Variants in ADRA1B observed in about 807,000 individuals in gnomAD.
ADRA1B encodes alpha-1B adrenergic receptor.
In ADRA1B, 17 loss-of-function variants were observed where a neutral mutation model predicts 17.9. The ratio of observed to expected loss-of-function variants is 0.95; its 90% CI spans 0.65 to 1.42. ADRA1B has a LOEUF of 1.42. Ranked by LOEUF, ADRA1B falls within the 40% of genes most tolerant of loss-of-function variation. ADRA1B has a pLI of 0.00. For missense variants in ADRA1B, 681 were observed against 722.1 expected (o/e 0.94, Z 0.65); for synonymous variants, 366 against 327.6 (o/e 1.12, Z -1.27).
At chr5:159,941,459 A>C (rs1202830662) in intron 1 of ADRA1B, among the ~76,000 whole-genome samples, 3 of 152,214 alleles carry the variant, frequency 2.0e-5, no homozygotes, top group Non-Finnish European at 4.4e-5. Context: ...CACTTTGAAA[A>C]ACAGTTTGGT....
chr5:159,899,263 A>AAAGG (rs199633101), intron 1 of ADRA1B, among the ~76,000 whole-genome samples: 7,941 of 106,256 alleles, frequency 0.075, 722 homozygotes, highest in East Asian at 0.24. Context: ...AGGAAGGAAG[A>AAAGG]AAGGAAGGAA....
upstream of ADRA1B, among the ~76,000 whole-genome samples, chr5:159,914,255 AG>A (rs1754256270): frequency 6.6e-6 from 1 of 152,194 alleles, no homozygotes; most frequent in East Asian, 1.9e-4. Context: ...CCCCTGACAG[AG>A]GGCTGCCAAG....
chr5:159,939,757 T>G (rs1377921375), intron 1 of ADRA1B, among the ~76,000 whole-genome samples: 1 of 152,194 alleles, frequency 6.6e-6, no homozygotes, highest in Admixed American at 6.5e-5. Flanking sequence ...AGGAGCAGTC[T>G]CCCTTCCCTG....
rs568180346 is a variant in ADRA1B, at chr5:159,916,829, T to G, written c.-77T>G. ...AGAAGACCACGGGGGAAGCAAAGTTTCAGGGCAGCTGAGGAGCCTTCGCCG... is the reference window on the plus strand; with the variant it reads ...AGAAGACCACGGGGGAAGCAAAGTTGCAGGGCAGCTGAGGAGCCTTCGCCG... On this transcript the variant is annotated 5_prime_UTR_variant, in exon 1 of 2. Coordinates refer to ENST00000306675, the MANE Select transcript of ADRA1B (RefSeq NM_000679.4). The G allele has an allele frequency of 2.1e-6, 3 of 1,416,864 alleles. No individual in the cohort carries two copies. In the African/African-American group the frequency reaches 4.3e-5, roughly 20 times the overall value. The allele number at this position is 1,416,864 out of a possible 1,614,324, so 87.8% of individuals were successfully genotyped here. A position where few individuals can be genotyped will look rare whatever the true frequency, so the allele number is the denominator to read the frequency against.
chr5:159,934,489 A>G (rs1041472901), intron 1 of ADRA1B, among the ~76,000 whole-genome samples: 11 of 151,770 alleles, frequency 7.2e-5, no homozygotes, highest in African/African-American at 2.4e-4. Flanking sequence ...CTCCTGCTTG[A>G]GTTGCTGTAC....
intron 1 of ADRA1B, among the ~76,000 whole-genome samples, chr5:159,923,147 G>A (rs1754536074): frequency 6.6e-6 from 1 of 152,276 alleles, no homozygotes; most frequent in Non-Finnish European, 1.5e-5. Context: ...AATTAGAAGG[G>A]AGGCAGGTGC....
intron 1 of ADRA1B, among the ~76,000 whole-genome samples, chr5:159,956,019 G>A (rs1004282699): frequency 6.6e-6 from 1 of 152,124 alleles, no homozygotes; most frequent in African/African-American, 2.4e-5. Flanking sequence ...GAGGCAGGAG[G>A]ATCACTTGAG....
At chr5:159,907,086 G>T (rs1754170440) in intron 1 of ADRA1B, among the ~76,000 whole-genome samples, 1 of 152,146 alleles carries the variant, frequency 6.6e-6, no homozygotes, top group African/African-American at 2.4e-5. Flanking sequence ...GAAAATTCCT[G>T]TTGACACTAA....
chr5:159,939,335 G>GCGCGCGCGCGCA (rs1369737666), intron 1 of ADRA1B, among the ~76,000 whole-genome samples: 1 of 116,500 alleles, frequency 8.6e-6, no homozygotes, highest in Non-Finnish European at 2.1e-5. Flanking sequence ...GCGCGCGCGC[G>GCGCGCGCGCGCA]CACACAATGC....
At chr5:159,948,101 G>A in intron 1 of ADRA1B, 1 of 985,428 alleles carries the variant, frequency 1.0e-6, no homozygotes. Context: ...ATAGCTGAAA[G>A]TCTCTGTACC....
At chr5:159,878,190 T>C (rs1753822048) in intron 1 of ADRA1B, among the ~76,000 whole-genome samples, 12 of 152,032 alleles carry the variant, frequency 7.9e-5, no homozygotes, top group Admixed American at 7.9e-4. Context: ...ATCAGTCGGG[T>C]CCAGAGATGA....
chr5:159,914,582 C>T (rs779840130), upstream of ADRA1B, among the ~76,000 whole-genome samples: 2 of 152,046 alleles, frequency 1.3e-5, no homozygotes, highest in Non-Finnish European at 2.9e-5. Context: ...TTTCTTAACC[C>T]GAGGGAAACC....
intron 1 of ADRA1B, among the ~76,000 whole-genome samples, chr5:159,910,920 G>C (rs6556462): frequency 0.025 from 3,782 of 152,142 alleles, 168 homozygotes; most frequent in African/African-American, 0.087. Context: ...GTTTTTTGCA[G>C]TTTTTTTGTT....
In ADRA1B at chr5:159,972,097, C is replaced by T. The variant is rs957670819; in HGVS notation, c.1168C>T (p.Pro390Ser). ...GGGCGGCTGCGCCTACACCTACCGGCCGTGGACGCGCGGCGGCTCGCTGGA... is the reference window on the plus strand; with the variant it reads ...GGGCGGCTGCGCCTACACCTACCGGTCGTGGACGCGCGGCGGCTCGCTGGA... ...RLGGCAYTYR[P>S]WTRGGSLERS... Residue 390 changes from proline to serine, a missense_variant, in exon 2 of 2, where the codon CCG becomes TCG. Pro to Ser is a moderately conservative substitution (Grantham distance 74). This residue lies in a region of ADRA1B where 251 missense variants were observed against 224.9 expected (regional missense o/e 1.12). Transcript: ENST00000306675. 6.9e-5 allele frequency: 89 copies of T among 1,293,080 alleles called. No homozygotes were observed. Among genetic ancestry groups the T allele is most frequent in the Non-Finnish European group, 8.4e-5 (85 of 1,015,134 alleles). 80.1% of individuals were successfully genotyped at this position (1,293,080 alleles called of 1,614,324 possible). A position where few individuals can be genotyped will look rare whatever the true frequency, so the allele number is the denominator to read the frequency against.
At chr5:159,890,668 T>A (rs1753973556) in intron 1 of ADRA1B, among the ~76,000 whole-genome samples, 1 of 152,208 alleles carries the variant, frequency 6.6e-6, no homozygotes, top group Non-Finnish European at 1.5e-5. Context: ...TGGTCTTCCT[T>A]ACACATGACA....
At chr5:159,915,387 A>G (rs1754275125), upstream of ADRA1B, among the ~76,000 whole-genome samples, 1 of 152,248 alleles carries the variant, frequency 6.6e-6, no homozygotes, top group African/African-American at 2.4e-5. Flanking sequence ...AACTCAGCAC[A>G]CTGTCTAGGA....
intron 1 of ADRA1B, among the ~76,000 whole-genome samples, chr5:159,875,321 A>G (rs1753790843): frequency 6.7e-6 from 1 of 149,920 alleles, no homozygotes; most frequent in Non-Finnish European, 1.5e-5. Context: ...CCCCTCCTCT[A>G]TTCCCCACTC....
At chr5:159,896,841 T>A (rs556023186) in intron 1 of ADRA1B, among the ~76,000 whole-genome samples, 1 of 152,272 alleles carries the variant, frequency 6.6e-6, no homozygotes, top group African/African-American at 2.4e-5. Flanking sequence ...GATGCAGGAT[T>A]GTTGCATATT....
At chr5:159,950,041 T>C (rs1209244602) in intron 1 of ADRA1B, among the ~76,000 whole-genome samples, 1 of 152,224 alleles carries the variant, frequency 6.6e-6, no homozygotes, top group Non-Finnish European at 1.5e-5. Flanking sequence ...CTGAATGCTG[T>C]TGTGCCAGGC....
Sources: gnomAD v4.1 joint callset for allele counts (sites outside exome capture counted in the v4.1 genomes callset) on GRCh38, gnomAD v4.1.1 for gene constraint, gnomAD v4.1.1 regional missense constraint, MANE v1.5 for transcripts, NCBI Gene and HGNC (gene_info 2026-07-23, HGNC 2026-07-21) for gene names.